The following CNGB3 variants were observed in gnomAD, a reference collection of about 807,000 sequenced individuals.
The protein encoded by CNGB3 is cyclic nucleotide-gated channel beta-3.
CNGB3 carries 86 observed loss-of-function variants against 92.8 expected under a neutral mutation model. The observed-to-expected ratio is 0.93, with a 90% CI of 0.78 to 1.11. The LOEUF is 1.11. Ranked by LOEUF, CNGB3 falls within the 50% of genes least tolerant of loss-of-function variation. The probability of loss-of-function intolerance (pLI) is 0.00; values close to 1 mark genes in which losing one functional copy is unlikely to be tolerated. For synonymous variants in CNGB3, 333 were observed against 332.7 expected (o/e 1.00, Z -0.01); for missense variants, 1,026 against 956.8 (o/e 1.07, Z -0.95).
At chr8:86,608,859 A>G (rs1416315256) in intron 14 of CNGB3, among the ~76,000 whole-genome samples, 1 of 152,138 alleles carries the variant, frequency 6.6e-6, no homozygotes, top group Non-Finnish European at 1.5e-5. Flanking sequence ...CTTTGTATCC[A>G]ATAAATAACA....
chr8:86,586,075 T>C (rs1821883530), intron 15 of CNGB3, among the ~76,000 whole-genome samples: 1 of 152,074 alleles, frequency 6.6e-6, no homozygotes, highest in South Asian at 2.1e-4. Flanking sequence ...TGAAGGTCAA[T>C]CATGCAAGGG....
intron 8 of CNGB3, among the ~76,000 whole-genome samples, chr8:86,646,138 A>G (rs1421979170): frequency 6.6e-6 from 1 of 151,028 alleles, no homozygotes; most frequent in African/African-American, 2.4e-5. Flanking sequence ...AAACCTGAGA[A>G]TTTCTGAAAA....
At chr8:86,663,300 T>A (rs1823680750) in intron 6 of CNGB3, among the ~76,000 whole-genome samples, 1 of 152,218 alleles carries the variant, frequency 6.6e-6, no homozygotes, top group African/African-American at 2.4e-5. Context: ...ATCTAAATAA[T>A]CTTCACTGTC....
intron 15 of CNGB3, among the ~76,000 whole-genome samples, chr8:86,584,866 A>G (rs530652515): frequency 3.4e-4 from 51 of 152,220 alleles, no homozygotes; most frequent in Non-Finnish European, 6.6e-4. Context: ...GTAAGTATTT[A>G]TTAAGTGCCT....
At chr8:86,603,478 G>T (rs558635172) in intron 15 of CNGB3, among the ~76,000 whole-genome samples, 79 of 152,098 alleles carry the variant, frequency 5.2e-4, no homozygotes, top group Admixed American at 1.0e-3. Flanking sequence ...ACTTTTCCTG[G>T]CCAATAAGAA....
At chr8:86,617,511 C>A (rs1822642659) in intron 13 of CNGB3, among the ~76,000 whole-genome samples, 1 of 152,162 alleles carries the variant, frequency 6.6e-6, no homozygotes. Context: ...GTTCTTCATG[C>A]CATTGACTAT....
chr8:86,599,678 A>G (rs887013618), intron 15 of CNGB3, among the ~76,000 whole-genome samples: 4 of 152,174 alleles, frequency 2.6e-5, no homozygotes, highest in East Asian at 1.9e-4. Flanking sequence ...CCAGTCTCCT[A>G]TAGCACTCCC....
At chr8:86,601,978 C>A (rs1822312396) in intron 15 of CNGB3, among the ~76,000 whole-genome samples, 1 of 152,290 alleles carries the variant, frequency 6.6e-6, no homozygotes, top group Non-Finnish European at 1.5e-5. Flanking sequence ...GGATTCAATT[C>A]TTAGGGTATT....
chr8:86,671,539 T>C (rs1823862767), intron 3 of CNGB3, among the ~76,000 whole-genome samples: 1 of 152,300 alleles, frequency 6.6e-6, no homozygotes, highest in East Asian at 1.9e-4. Context: ...GGAGATTATA[T>C]AGGTGGGCCT....
intron 3 of CNGB3, among the ~76,000 whole-genome samples, chr8:86,716,574 T>C (rs1824857115): frequency 6.6e-6 from 1 of 152,172 alleles, no homozygotes; most frequent in East Asian, 1.9e-4. Context: ...TTTAGCCTCC[T>C]TAAACAAAAC....
rs773191598 is a variant in CNGB3 at position 86,738,840 on chromosome 8, CA to C, written c.211+814del. Among the ~76,000 whole-genome samples the C allele has an allele frequency of 8.6e-3, 1,038 of 120,980 alleles. 17 individuals are homozygous for C. The highest frequency in any genetic ancestry group is 0.031 in the African/African-American group (972 of 31,852). The allele number at this position is 120,980 out of a possible 152,430, so 79.4% of individuals were successfully genotyped here. A position where few individuals can be genotyped will look rare whatever the true frequency, so the allele number is the denominator to read the frequency against. The stretch of plus-strand genomic sequence containing the variant: ...TGGGCGACAGAGCGAGACTCCGTCT[CA>C]AAAAAAAAAAAAAAAGGGAAGTGGG... On this transcript the variant is annotated intron_variant, in intron 2 of 17. Transcript: ENST00000320005.
intron 15 of CNGB3, among the ~76,000 whole-genome samples, chr8:86,598,061 T>C (rs1157290563): frequency 6.6e-6 from 1 of 152,160 alleles, no homozygotes; most frequent in African/African-American, 2.4e-5. Context: ...CAACCTGAAG[T>C]AGAGAGGTAG....
At position 86,579,333 on chromosome 8, in the gene CNGB3, A is replaced by G. The variant is rs550779050; in HGVS notation, c.1782-81T>C. On this transcript the variant is annotated intron_variant, in intron 15 of 17. Coordinates refer to ENST00000320005, the MANE Select transcript of CNGB3 (RefSeq NM_019098.5). ...TCTCTTTAAAAAAATAGCAACTATT[A>G]TAAGTATTTATACTGCTTCAGAAAT... 7.2e-5 allele frequency: 106 copies of G among 1,464,540 alleles called. 1 individual carries two copies. In the Middle Eastern group the frequency reaches 2.4e-3, roughly 33 times the overall value. The allele number at this position is 1,464,540 out of a possible 1,614,324, so 90.7% of individuals were successfully genotyped here. A position where few individuals can be genotyped will look rare whatever the true frequency, so the allele number is the denominator to read the frequency against.
chr8:86,610,488 G>C (rs1822497246), intron 14 of CNGB3, among the ~76,000 whole-genome samples: 1 of 146,978 alleles, frequency 6.8e-6, no homozygotes, highest in Non-Finnish European at 1.5e-5. Flanking sequence ...CATTTTTCAA[G>C]ACTTAGCTCA....
rs939231355 is a variant in CNGB3 at position 86,628,774 on chromosome 8, A to G, written c.1480+145T>C. The stretch of plus-strand genomic sequence containing the variant: ...ATTTATATTTCAGGAAAAAAAAAAA[A>G]CCTGTAGCATTAAACGAATGCTTTA... On this transcript the variant is annotated intron_variant, in intron 12 of 17. Transcript: ENST00000320005. 6 of 836,744 alleles carry G rather than the reference A, an allele frequency of 7.2e-6. No individual in the cohort carries two copies. In the South Asian group the frequency reaches 7.9e-5, roughly 11 times the overall value. The allele number at this position is 836,744 out of a possible 1,614,324, so 51.8% of individuals were successfully genotyped here. A position where few individuals can be genotyped will look rare whatever the true frequency, so the allele number is the denominator to read the frequency against.
intron 4 of CNGB3, among the ~76,000 whole-genome samples, chr8:86,670,150 T>C (rs1289843809): frequency 6.6e-6 from 1 of 152,178 alleles, no homozygotes; most frequent in African/African-American, 2.4e-5. Flanking sequence ...GCCTGGCCAA[T>C]TAATTTTTCA....
chr8:86,719,209 C>T (rs1347264581), intron 3 of CNGB3, among the ~76,000 whole-genome samples: 40 of 152,016 alleles, frequency 2.6e-4, no homozygotes, highest in Non-Finnish European at 7.4e-5. Context: ...GCATCCGTAT[C>T]AGTAAAGAGG....
intron 13 of CNGB3, among the ~76,000 whole-genome samples, chr8:86,612,582 A>G (rs1822543210): frequency 1.3e-5 from 2 of 152,162 alleles, no homozygotes; most frequent in South Asian, 2.1e-4. Flanking sequence ...TCCTTTAGCA[A>G]TCACCAGTTT....
At chr8:86,586,044 A>T (rs1821882726) in intron 15 of CNGB3, among the ~76,000 whole-genome samples, 1 of 152,230 alleles carries the variant, frequency 6.6e-6, no homozygotes, top group African/African-American at 2.4e-5. Context: ...TGCATCCAAG[A>T]TTGTACAGAT....
Sources: gnomAD v4.1 joint callset for allele counts (sites outside exome capture counted in the v4.1 genomes callset) on GRCh38, gnomAD v4.1.1 for gene constraint, MANE v1.5 for transcripts, NCBI Gene and HGNC (gene_info 2026-07-23, HGNC 2026-07-21) for gene names.